Variants in NT5DC1 observed in about 807,000 individuals in gnomAD.
The protein encoded by NT5DC1 is 5'-nucleotidase domain containing 1.
NT5DC1 carries 42 observed loss-of-function variants against 59.4 expected under a neutral mutation model. The observed-to-expected ratio is 0.71, with a 90% CI of 0.55 to 0.92. The LOEUF (loss-of-function observed/expected upper bound fraction) is 0.92, where lower values mean the gene tolerates loss of function less well. NT5DC1 is among the 40% of genes least tolerant of loss of function. The pLI is 0.00. For synonymous variants in NT5DC1, 172 were observed against 188.1 expected, an observed-to-expected ratio of 0.91 and a Z score of 0.70; for missense variants, 501 against 537.1, an observed-to-expected ratio of 0.93 and a Z score of 0.66.
At position 116,100,858 on chromosome 6, in the gene NT5DC1, C is replaced by T; in HGVS notation, c.-73C>T. ...CCCGCCGCGTCCGGCCCGGTCCTGTCCCGCAGCGTCCCGCCAGCCAGCTCC... is the reference window on the plus strand; with the variant it reads ...CCCGCCGCGTCCGGCCCGGTCCTGTTCCGCAGCGTCCCGCCAGCCAGCTCC... On this transcript the variant is annotated 5_prime_UTR_variant, in exon 1 of 12. Transcript: ENST00000319550. The T allele has an allele frequency of 5.0e-6, 6 of 1,208,148 alleles. No individual in the cohort carries two copies. Among genetic ancestry groups the T allele is most frequent in the South Asian group, 4.1e-5 (3 of 72,720 alleles). 74.8% of individuals were successfully genotyped at this position (1,208,148 alleles called of 1,614,324 possible).
At chr6:116,127,712 A>G (rs557751428) in intron 6 of NT5DC1, among the ~76,000 whole-genome samples, 1 of 152,224 alleles carries the variant, frequency 6.6e-6, no homozygotes, top group East Asian at 1.9e-4. Flanking sequence ...TAAAATATAT[A>G]TTTTAATATT....
At chr6:116,211,519 T>C (rs1456955671) in intron 6 of NT5DC1, among the ~76,000 whole-genome samples, 1 of 152,094 alleles carries the variant, frequency 6.6e-6, no homozygotes, top group Non-Finnish European at 1.5e-5. Flanking sequence ...TATGTATGTT[T>C]TTATATTGTA....
chr6:116,162,271 T>C (rs1780353985), intron 6 of NT5DC1, among the ~76,000 whole-genome samples: 2 of 152,210 alleles, frequency 1.3e-5, no homozygotes, highest in Admixed American at 1.3e-4. Flanking sequence ...CTTTAATTTC[T>C]TTCTCCTGCC....
chr6:116,234,086 G>A (rs902410909), intron 8 of NT5DC1, among the ~76,000 whole-genome samples: 1 of 137,682 alleles, frequency 7.3e-6, no homozygotes, highest in Non-Finnish European at 1.5e-5. Context: ...TCAGCCTCCC[G>A]AGTAGCTGGG....
At chr6:116,171,358 A>G (rs7766754) in intron 6 of NT5DC1, among the ~76,000 whole-genome samples, 3 of 152,130 alleles carry the variant, frequency 2.0e-5, no homozygotes, top group African/African-American at 7.2e-5. Context: ...ACCAGGAATT[A>G]TAAATAGACA....
chr6:116,152,863 C>T (rs1780082049), intron 6 of NT5DC1, among the ~76,000 whole-genome samples: 1 of 152,016 alleles, frequency 6.6e-6, no homozygotes, highest in Non-Finnish European at 1.5e-5. Flanking sequence ...GTTATATTGC[C>T]TCTGAGTTCT....
At chr6:116,207,485 G>A (rs79259175) in intron 6 of NT5DC1, among the ~76,000 whole-genome samples, 6,447 of 151,568 alleles carry the variant, frequency 0.043, 218 homozygotes, top group African/African-American at 0.09. Flanking sequence ...CATGCTTACC[G>A]GGTAAAGAGT....
chr6:116,127,757 A>G (rs1338341474), intron 6 of NT5DC1, among the ~76,000 whole-genome samples: 1 of 152,170 alleles, frequency 6.6e-6, no homozygotes, highest in Non-Finnish European at 1.5e-5. Context: ...ATGCACACAC[A>G]TACTGCTATT....
intron 6 of NT5DC1, among the ~76,000 whole-genome samples, chr6:116,188,044 A>C (rs966125482): frequency 6.6e-6 from 1 of 152,070 alleles, no homozygotes. Flanking sequence ...AAGTCTTGAC[A>C]GGCAGTTTAC....
At chr6:116,215,758 G>A (rs190971751) in intron 6 of NT5DC1, among the ~76,000 whole-genome samples, 7 of 152,222 alleles carry the variant, frequency 4.6e-5, no homozygotes, top group Admixed American at 4.6e-4. Context: ...GAGTTGACTA[G>A]GCCAAGTGCA....
At chr6:116,203,135 A>G (rs1781380201) in intron 6 of NT5DC1, among the ~76,000 whole-genome samples, 3 of 152,002 alleles carry the variant, frequency 2.0e-5, no homozygotes, top group African/African-American at 7.2e-5. Flanking sequence ...GAACAAACCA[A>G]ATTACCAAGT....
intron 6 of NT5DC1, among the ~76,000 whole-genome samples, chr6:116,178,151 G>A (rs555511343): frequency 2.0e-5 from 3 of 150,846 alleles, no homozygotes; most frequent in East Asian, 3.9e-4. Flanking sequence ...GTGGGACTGG[G>A]TCTAAATTTA....
intron 1 of NT5DC1, 60 bp downstream of exon 1, chr6:116,101,083 G>A: frequency 1.5e-6 from 2 of 1,299,978 alleles, no homozygotes; most frequent in Non-Finnish European, 2.1e-6. Context: ...TGGGGCTTGA[G>A]TTTCCTCCAG....
At chr6:116,197,649 GA>G (rs2114503560) in intron 6 of NT5DC1, among the ~76,000 whole-genome samples, 1 of 152,116 alleles carries the variant, frequency 6.6e-6, no homozygotes, top group African/African-American at 2.4e-5. Context: ...TCTACTTTTT[GA>G]TTGTTTAGCA....
intron 6 of NT5DC1, among the ~76,000 whole-genome samples, chr6:116,171,928 AC>A (rs1449038184): frequency 6.6e-6 from 1 of 152,188 alleles, no homozygotes; most frequent in African/African-American, 2.4e-5. Flanking sequence ...GAGTTTTCTG[AC>A]CTGCTTTGCT....
rs1780926276 is a variant in NT5DC1, at chr6:116,183,243, T to G, written c.530-37811T>G. On this transcript the variant is annotated intron_variant, in intron 6 of 11. Coordinates refer to ENST00000319550, the MANE Select transcript of NT5DC1 (RefSeq NM_152729.3). ...GTTCCATTGGTCTGTGTGCCCGTTT[T>G]TATACCATTACTGTGCTGTTTTGGT... Among the ~76,000 whole-genome samples the G allele has an allele frequency of 2.0e-5, 3 of 152,176 alleles. No individual in the cohort carries two copies. The South Asian group carries it at 6.2e-4, about 31-fold the overall frequency.
At position 116,118,743 on chromosome 6, in the gene NT5DC1, C is replaced by A. The variant is rs574220398; in HGVS notation, c.529+798C>A. ...TTCTTTCCCTCCCAGGAGAAAATTA[C>A]AACTTTGGGGTGATTTTGTCATTTT... On this transcript the variant is annotated intron_variant, in intron 6 of 11. Transcript: ENST00000319550. 1.1e-4 allele frequency among the ~76,000 whole-genome samples: 16 copies of A among 152,314 alleles called. No homozygotes were observed. The East Asian group carries it at 3.1e-3, about 29-fold the overall frequency.
intron 6 of NT5DC1, among the ~76,000 whole-genome samples, chr6:116,192,335 GA>G (rs950886688): frequency 6.6e-6 from 1 of 151,950 alleles, no homozygotes; most frequent in African/African-American, 2.4e-5. Context: ...TATTAATAAT[GA>G]AAAGGCATTA....
At chr6:116,198,458 A>G (rs947927434) in intron 6 of NT5DC1, among the ~76,000 whole-genome samples, 4 of 152,016 alleles carry the variant, frequency 2.6e-5, no homozygotes, top group African/African-American at 9.7e-5. Context: ...GGCTGGGTAT[A>G]GTGACTCATG....
Sources: gnomAD v4.1 joint callset for allele counts (sites outside exome capture counted in the v4.1 genomes callset) on GRCh38, gnomAD v4.1.1 for gene constraint, MANE v1.5 for transcripts, NCBI Gene and HGNC (gene_info 2026-07-23, HGNC 2026-07-21) for gene names.